The following MEIKIN variants were observed in gnomAD, a reference collection of about 807,000 sequenced individuals.
The protein encoded by MEIKIN is meiosis-specific kinetochore protein.
chr5:131,938,530 C>G (rs924026806), intron 4 of MEIKIN, among the ~76,000 whole-genome samples: 2 of 152,260 alleles, frequency 1.3e-5, no homozygotes, highest in Non-Finnish European at 2.9e-5. Context: ...AGTTGTGTCA[C>G]CACTGATGCT....
At chr5:131,812,478 T>C (rs1488341212) in intron 12 of MEIKIN, among the ~76,000 whole-genome samples, 2 of 152,004 alleles carry the variant, frequency 1.3e-5, no homozygotes, top group African/African-American at 4.8e-5. Context: ...TTTCCAGGGG[T>C]CAAGTAGTAT....
Position 131,807,101 on chromosome 5 carries a change from T to C in MEIKIN, c.*135A>G, listed in dbSNP as rs996997612. The C allele has an allele frequency of 1.5e-5, 6 of 394,754 alleles. No individual in the cohort carries two copies. The highest frequency in any genetic ancestry group is 1.4e-4 in the South Asian group (1 of 7,302). The allele number at this position is 394,754 out of a possible 1,614,324, so 24.5% of individuals were successfully genotyped here. ...CAAGAACCTCAGTAGAATTTCAACA[T>C]AGAGATATATCACAAATAACTGGAG... On this transcript the variant is annotated 3_prime_UTR_variant, in exon 13 of 13. Coordinates refer to ENST00000442687, the MANE Select transcript of MEIKIN (RefSeq NM_001303622.2).
At position 131,909,881 on chromosome 5, in the gene MEIKIN, C is replaced by T. The variant is rs549821150; in HGVS notation, c.703+1934G>A. Among the ~76,000 whole-genome samples the T allele has an allele frequency of 2.5e-3, 382 of 152,236 alleles. 1 individual carries two copies. Among genetic ancestry groups the T allele is most frequent in the Non-Finnish European group, 3.9e-3 (268 of 68,002 alleles). On this transcript the variant is annotated intron_variant, in intron 8 of 12. Coordinates refer to ENST00000442687, the MANE Select transcript of MEIKIN (RefSeq NM_001303622.2). ...AAAACTACAATGTCATATCATCTTA[C>T]CCCAGTTAAAATGGCGTTTATCCAA...
intron 10 of MEIKIN, among the ~76,000 whole-genome samples, chr5:131,852,753 G>A (rs1241411604): frequency 6.6e-6 from 1 of 152,050 alleles, no homozygotes; most frequent in Non-Finnish European, 1.5e-5. Flanking sequence ...CAGTTTTTAA[G>A]TATGCTAAAA....
intron 11 of MEIKIN, among the ~76,000 whole-genome samples, chr5:131,849,630 C>T (rs1164087144): frequency 6.8e-6 from 1 of 147,182 alleles, no homozygotes; most frequent in African/African-American, 2.5e-5. Context: ...ATAAAGAAAC[C>T]TCTTTTCTTT....
chr5:131,909,757 A>G (rs1399273468), intron 8 of MEIKIN, among the ~76,000 whole-genome samples: 1 of 152,200 alleles, frequency 6.6e-6, no homozygotes, highest in Non-Finnish European at 1.5e-5. Flanking sequence ...AAAATGAGCA[A>G]AAGACCTAAA....
At position 131,851,565 on chromosome 5, in the gene MEIKIN, G is replaced by A. The variant is rs545349672; in HGVS notation, c.856-182C>T. ...GACATTTGGACATAACTCTTCAAAAGATGCATGTTTAGAGACAAATCAATC... is the reference window on the plus strand; with the variant it reads ...GACATTTGGACATAACTCTTCAAAAAATGCATGTTTAGAGACAAATCAATC... On this transcript the variant is annotated intron_variant, in intron 10 of 12. Coordinates refer to ENST00000442687, the MANE Select transcript of MEIKIN (RefSeq NM_001303622.2). Among the ~76,000 whole-genome samples, 49 of 152,282 alleles carry A rather than the reference G, an allele frequency of 3.2e-4. No homozygotes were observed. In the South Asian group the frequency reaches 3.3e-3, roughly 10 times the overall value.
At chr5:131,903,104 G>A (rs981568852) in intron 8 of MEIKIN, among the ~76,000 whole-genome samples, 1 of 151,972 alleles carries the variant, frequency 6.6e-6, no homozygotes. Context: ...AAATAAAGAA[G>A]AAACAATGAC....
chr5:131,841,779 T>A (rs1749918787), intron 11 of MEIKIN, among the ~76,000 whole-genome samples: 1 of 152,216 alleles, frequency 6.6e-6, no homozygotes, highest in Admixed American at 6.5e-5. Flanking sequence ...GTCTTATAAT[T>A]TTTAGTATAT....
intron 5 of MEIKIN, among the ~76,000 whole-genome samples, chr5:131,926,218 GT>G (rs1010513186): frequency 9.9e-5 from 15 of 152,098 alleles, no homozygotes; most frequent in African/African-American, 3.6e-4. Context: ...ATTGCCTTCT[GT>G]TCCTAGTTTG....
chr5:131,843,956 G>C (rs543609687), intron 11 of MEIKIN, among the ~76,000 whole-genome samples: 1 of 152,166 alleles, frequency 6.6e-6, no homozygotes, highest in Non-Finnish European at 1.5e-5. Flanking sequence ...AAAGAGAAGA[G>C]GTTTAATTGA....
chr5:131,876,350 C>A (rs557428227), intron 9 of MEIKIN, among the ~76,000 whole-genome samples: 3 of 151,838 alleles, frequency 2.0e-5, no homozygotes, highest in Non-Finnish European at 4.4e-5. Context: ...TGAGCAGACA[C>A]TTCTCAAAAG....
chr5:131,862,459 A>C (rs182890096), intron 9 of MEIKIN, among the ~76,000 whole-genome samples: 16 of 151,928 alleles, frequency 1.1e-4, no homozygotes, highest in Admixed American at 5.2e-4. Flanking sequence ...TCTGATCATT[A>C]TTATTTTCTT....
chr5:131,871,160 G>A (rs1443833124), intron 9 of MEIKIN, among the ~76,000 whole-genome samples: 1 of 152,232 alleles, frequency 6.6e-6, no homozygotes, highest in Non-Finnish European at 1.5e-5. Context: ...GTGCCGGACA[G>A]TGGGTGCAGT....
chr5:131,885,087 C>G (rs1303300396), intron 8 of MEIKIN, among the ~76,000 whole-genome samples: 2 of 152,104 alleles, frequency 1.3e-5, no homozygotes, highest in Non-Finnish European at 2.9e-5. Flanking sequence ...CTGGACCTGC[C>G]CAGGGTCTGG....
chr5:131,849,019 G>C lies in MEIKIN; in HGVS notation c.975+2245C>G, dbSNP rs932084039. 1.3e-5 allele frequency among the ~76,000 whole-genome samples: 2 copies of C among 152,158 alleles called. 1 individual carries two copies. Among genetic ancestry groups the C allele is most frequent in the African/African-American group, 4.8e-5 (2 of 41,460 alleles). ...ATTTGACAAAATTCAATACCATTTTGTGATAAAAACAATAAACTAGGAATT... is the reference window on the plus strand; with the variant it reads ...ATTTGACAAAATTCAATACCATTTTCTGATAAAAACAATAAACTAGGAATT... On this transcript the variant is annotated intron_variant, in intron 11 of 12. Coordinates refer to ENST00000442687, the MANE Select transcript of MEIKIN (RefSeq NM_001303622.2).
At chr5:131,911,148 TATTA>T (rs766296343) in intron 8 of MEIKIN, among the ~76,000 whole-genome samples, 4 of 152,132 alleles carry the variant, frequency 2.6e-5, no homozygotes, top group Non-Finnish European at 5.9e-5. Context: ...ACAGAAAGTA[TATTA>T]ATTGTTTTAT....
At chr5:131,917,241 T>C (rs1751427555) in intron 6 of MEIKIN, among the ~76,000 whole-genome samples, 1 of 152,086 alleles carries the variant, frequency 6.6e-6, no homozygotes, top group East Asian at 1.9e-4. Context: ...ATTATCCCCA[T>C]TTTACATATA....
chr5:131,879,481 G>C (rs562528178), intron 8 of MEIKIN, among the ~76,000 whole-genome samples: 2 of 152,208 alleles, frequency 1.3e-5, no homozygotes, highest in African/African-American at 4.8e-5. Context: ...GCGAAGCCTC[G>C]GCTTTTAGTG....
Sources: gnomAD v4.1 joint callset for allele counts (sites outside exome capture counted in the v4.1 genomes callset) on GRCh38, gnomAD v4.1.1 for gene constraint, MANE v1.5 for transcripts, NCBI Gene and HGNC (gene_info 2026-07-23, HGNC 2026-07-21) for gene names.